EDEM2: variants seen among roughly 807,000 people sequenced by gnomAD.
EDEM2 encodes the protein ER degradation-enhancing alpha-mannosidase-like protein 2.
Under a neutral mutation model 64.8 loss-of-function variants are expected in EDEM2, and 39 were observed. The ratio of observed to expected loss-of-function variants is 0.60; its 90% CI spans 0.47 to 0.79. EDEM2 has a LOEUF of 0.79. Ranked by LOEUF, EDEM2 falls within the 30% of genes least tolerant of loss-of-function variation. The probability of loss-of-function intolerance (pLI) is 0.00; values close to 1 mark genes in which losing one functional copy is unlikely to be tolerated. For missense variants in EDEM2, 609 were observed against 731.3 expected, an observed-to-expected ratio of 0.83 and a Z score of 1.93; for synonymous variants, 296 against 291.5, an observed-to-expected ratio of 1.02 and a Z score of -0.16.
At chr20:35,136,980 C>A (rs2085585214) in intron 5 of EDEM2, among the ~76,000 whole-genome samples, 1 of 152,058 alleles carries the variant, frequency 6.6e-6, no homozygotes, top group Non-Finnish European at 1.5e-5. Flanking sequence ...CACAGCTTAG[C>A]CACAAAACAA....
Position 35,131,760 on chromosome 20 carries a change from G to GAGC in EDEM2, c.723_725dup (p.Leu242dup). On this transcript the variant is annotated inframe_insertion, in exon 7 of 11. Coordinates refer to ENST00000374492, the MANE Select transcript of EDEM2 (RefSeq NM_018217.3). The stretch of plus-strand genomic sequence containing the variant: ...CGTCCTGGGCCACCCACTTGCCAGT[G>GAGC]AGCACATCAATGTGGTTGCCGACCT... The GAGC allele has an allele frequency of 6.2e-7, 1 of 1,614,086 alleles. No homozygotes were observed. The highest frequency in any genetic ancestry group is 8.5e-7 in the Non-Finnish European group (1 of 1,180,004).
rs1362690053 is a variant in EDEM2, at chr20:35,134,951, T to G, written c.491-2A>C. On this transcript the variant is annotated splice_acceptor_variant, in intron 5 of 10. Coordinates refer to ENST00000374492, the MANE Select transcript of EDEM2 (RefSeq NM_018217.3). LOFTEE classifies it high-confidence loss of function. ...GCATGCCAGTGGGGGTCTGAAAGGC[T>G]GAACAATCGACAAATTATGATCCCG... 6.2e-7 allele frequency: 1 copy of G among 1,613,648 alleles called. No homozygotes were observed. The highest frequency in any genetic ancestry group is 1.7e-5 in the Admixed American group (1 of 60,000).
intron 10 of EDEM2, among the ~76,000 whole-genome samples, chr20:35,117,764 C>A (rs959293924): frequency 1.3e-5 from 2 of 152,140 alleles, no homozygotes; most frequent in Admixed American, 1.3e-4. Context: ...ATATTTATAT[C>A]TTGCCTGCTT....
intron 3 of EDEM2, among the ~76,000 whole-genome samples, chr20:35,142,835 G>A (rs1347603223): frequency 6.6e-6 from 1 of 152,084 alleles, no homozygotes; most frequent in Non-Finnish European, 1.5e-5. Flanking sequence ...GCGTGATCTT[G>A]GCTCACTTCA....
chr20:35,115,706 G>A lies in EDEM2; in HGVS notation c.1464C>T (p.Cys488=), dbSNP rs2085299770. The part of the protein sequence containing the change: ...HPIDPAALHC[C]QRLKEEQWEV... ...CCCACTGCTCTTCCTTCAGCCTCTG[G>A]CAGCAGTGCAGGGCGGCAGGGTCGA... The change falls in exon 11 of 11, where the codon TGC becomes TGT. Residue 488 remains cysteine, a synonymous_variant. Transcript: ENST00000374492. The A allele has an allele frequency of 6.2e-7, 1 of 1,614,210 alleles. No individual in the cohort carries two copies. The highest frequency in any genetic ancestry group is 1.1e-5 in the South Asian group (1 of 91,088).
chr20:35,146,689 G>A lies in EDEM2; in HGVS notation c.218+136C>T, dbSNP rs1011554822. Reference sequence around the variant, plus strand: ...CTGGAGGTGATAGTAAGAATTGCGGGGAGCGCGGCTCTAGCTCAGCTGGGA... The same window carrying A: ...CTGGAGGTGATAGTAAGAATTGCGGAGAGCGCGGCTCTAGCTCAGCTGGGA... On this transcript the variant is annotated intron_variant, in intron 2 of 10. Coordinates refer to ENST00000374492, the MANE Select transcript of EDEM2 (RefSeq NM_018217.3). 9.8e-6 allele frequency: 9 copies of A among 918,402 alleles called. No individual in the cohort carries two copies. The African/African-American group carries it at 1.2e-4, about 12-fold the overall frequency. The allele number at this position is 918,402 out of a possible 1,614,324, so 56.9% of individuals were successfully genotyped here.
chr20:35,118,598 TG>T lies in EDEM2; in HGVS notation c.1235del (p.Thr412LysfsTer23), dbSNP rs1348208782. The T allele has an allele frequency of 6.2e-7, 1 of 1,613,986 alleles. No individual in the cohort carries two copies. The highest frequency in any genetic ancestry group is 8.5e-7 in the Non-Finnish European group (1 of 1,179,960). ...TTCTTGGGGCCATGCAAACACTTAC[TG>T]TTGCAAATCCGCACTCCACCTTGCT... ...KISKVECGFA[T>X]IKDLRDHKLD... On this transcript the variant is annotated frameshift_variant and splice_region_variant, in exon 10 of 11. Coordinates refer to ENST00000374492, the MANE Select transcript of EDEM2 (RefSeq NM_018217.3). LOFTEE classifies it high-confidence loss of function.
chr20:35,119,301 CA>C (rs1175606576), intron 9 of EDEM2, among the ~76,000 whole-genome samples: 3 of 152,076 alleles, frequency 2.0e-5, no homozygotes, highest in Non-Finnish European at 4.4e-5. Context: ...CTGAGATATC[CA>C]AGAGCAGGCC....
chr20:35,142,262 G>A, intron 4 of EDEM2, 111 bp downstream of exon 4: 1 of 833,682 alleles, frequency 1.2e-6, no homozygotes. Context: ...AGAGGTTTTG[G>A]CCAAGGGTCC....
Position 35,147,211 on chromosome 20 carries a change from C to A in EDEM2, c.48G>T (p.Leu16=), listed in dbSNP as rs760884106. The stretch of plus-strand genomic sequence containing the variant: ...GACCTGGCGCACCATGGTGCTGAGG[C>A]AGCAGCGCGCACAGGAGGCCGAGCG... ...LIPLGLLCAL[L]PQHHGAPGPD... is the part of the protein sequence containing the mutation. The change falls in exon 1 of 11, where the codon CTG becomes CTT. Residue 16 remains leucine (L), a synonymous_variant. Coordinates refer to ENST00000374492, the MANE Select transcript of EDEM2 (RefSeq NM_018217.3). 2 of 1,601,224 alleles carry A rather than the reference C, an allele frequency of 1.2e-6. No individual in the cohort carries two copies. Among genetic ancestry groups the A allele is most frequent in the African/African-American group, 1.3e-5 (1 of 74,656 alleles).
intron 4 of EDEM2, among the ~76,000 whole-genome samples, chr20:35,139,017 G>A (rs1217856570): frequency 6.6e-6 from 1 of 152,124 alleles, no homozygotes; most frequent in Non-Finnish European, 1.5e-5. Context: ...AGGGGGAATA[G>A]GAGACCAAGG....
At chr20:35,121,371 A>C (rs561005385) in intron 9 of EDEM2, among the ~76,000 whole-genome samples, 12 of 152,252 alleles carry the variant, frequency 7.9e-5, no homozygotes, top group African/African-American at 2.9e-4. Context: ...TGCTCCTATG[A>C]ACGTCTAATG....
Position 35,135,796 on chromosome 20 carries a change from G to A in EDEM2, c.491-847C>T, listed in dbSNP as rs146019962. ...AAACCACGGATATAGTATGACCCTC[G>A]ATTTATAGGTAGGGAAAACCATGCC... On this transcript the variant is annotated intron_variant, in intron 5 of 10. Transcript: ENST00000374492. 1.3e-3 allele frequency among the ~76,000 whole-genome samples: 195 copies of A among 152,256 alleles called. 1 individual carries two copies. The highest frequency in any genetic ancestry group is 5.6e-3 in the South Asian group (27 of 4,820).
intron 6 of EDEM2, among the ~76,000 whole-genome samples, chr20:35,132,230 C>A (rs1033799): frequency 0.17 from 26,116 of 151,796 alleles, 2,767 homozygotes; most frequent in African/African-American, 0.29. Context: ...CAGAGTGGTT[C>A]TAAGGAGAGA....
intron 9 of EDEM2, among the ~76,000 whole-genome samples, 168 bp downstream of exon 9, chr20:35,123,722 A>G (rs2085396357): frequency 6.6e-6 from 1 of 152,206 alleles, no homozygotes; most frequent in South Asian, 2.1e-4. Flanking sequence ...ATCTGAAAAC[A>G]TGGGGATAAT....
At chr20:35,116,931 A>G (rs2085315870) in intron 10 of EDEM2, among the ~76,000 whole-genome samples, 1 of 152,112 alleles carries the variant, frequency 6.6e-6, no homozygotes, top group South Asian at 2.1e-4. Flanking sequence ...CTGGGACTAC[A>G]GGCACATGCC....
Position 35,142,279 on chromosome 20 carries a change from G to T in EDEM2, c.364+94C>A, listed in dbSNP as rs971892866. On this transcript the variant is annotated intron_variant, in intron 4 of 10. Coordinates refer to ENST00000374492, the MANE Select transcript of EDEM2 (RefSeq NM_018217.3). ...AGGTTTTGGCCAAGGGTCCTGGCAT[G>T]GTCAGTCCTTAAAATCCTATTTACC... 1.1e-5 allele frequency: 11 copies of T among 1,012,968 alleles called. No homozygotes were observed. In the Admixed American group the frequency reaches 2.4e-4, roughly 22 times the overall value. 62.7% of individuals were successfully genotyped at this position (1,012,968 alleles called of 1,614,324 possible).
chr20:35,115,396 G>T lies in EDEM2; in HGVS notation c.*37C>A. ...GCCAAAAGCAATTTATTATAGTTTA[G>T]CCTCAAAAAAATAAAAATAAAAAAA... On this transcript the variant is annotated 3_prime_UTR_variant, in exon 11 of 11. Coordinates refer to ENST00000374492, the MANE Select transcript of EDEM2 (RefSeq NM_018217.3). The T allele has an allele frequency of 6.3e-7, 1 of 1,580,938 alleles. No individual in the cohort carries two copies. Among genetic ancestry groups the T allele is most frequent in the Non-Finnish European group, 8.6e-7 (1 of 1,166,444 alleles).
In EDEM2 at chr20:35,132,817, C is replaced by T. The variant is rs574154768; in HGVS notation, c.703-1034G>A. Among the ~76,000 whole-genome samples, 8 of 152,262 alleles carry T rather than the reference C, an allele frequency of 5.3e-5. 1 individual carries two copies. In the East Asian group the frequency reaches 1.5e-3, roughly 29 times the overall value. On this transcript the variant is annotated intron_variant, in intron 6 of 10. Transcript: ENST00000374492. ...CCTCCCAAAGTGCTGGGATTACAGGCGTGAGCCACTGCGCCCAGCCAAATA... is the reference window on the plus strand; with the variant it reads ...CCTCCCAAAGTGCTGGGATTACAGGTGTGAGCCACTGCGCCCAGCCAAATA...
Sources: gnomAD v4.1 joint callset for allele counts (sites outside exome capture counted in the v4.1 genomes callset) on GRCh38, gnomAD v4.1.1 for gene constraint, MANE v1.5 for transcripts, NCBI Gene and HGNC (gene_info 2026-07-23, HGNC 2026-07-21) for gene names.